ADGRL2: variants seen among roughly 807,000 people sequenced by gnomAD.
ADGRL2 encodes the protein calcium-independent alpha-latrotoxin receptor 2.
In ADGRL2, 44 loss-of-function variants were observed where a neutral mutation model predicts 157.4. The observed-to-expected ratio is 0.28, with a 90% CI of 0.22 to 0.36. The LOEUF is 0.36. Ranked by LOEUF, ADGRL2 falls within the 10% of genes least tolerant of loss-of-function variation. The pLI is 1.00. For missense variants in ADGRL2, 1,510 were observed against 1,768.9 expected, an observed-to-expected ratio of 0.85 and a Z score of 2.63; for synonymous variants, 585 against 624.7, an observed-to-expected ratio of 0.94 and a Z score of 0.95.
In ADGRL2 at chr1:81,990,795, A is replaced by C; in HGVS notation, c.4060A>C (p.Lys1354Gln). ...TCTGTACCAACCCCAGAAGAAAGTG[A>C]AGTCCGAGGGAACTGACAGCTATGT... The part of the protein sequence containing the change: ...SLLYQPQKKV[K>Q]SEGTDSYVSQ... Residue 1354 changes from lysine to glutamine, a missense_variant, in exon 24 of 24, where the codon AAG becomes CAG. Physicochemically the swap from Lys to Gln is moderately conservative, Grantham distance 53. This residue lies in a region of ADGRL2 where 327 missense variants were observed against 310.1 expected (regional missense o/e 1.05). Coordinates refer to ENST00000686636, the MANE Select transcript of ADGRL2 (RefSeq NM_001366006.2). 6.2e-7 allele frequency: 1 copy of C among 1,614,118 alleles called. No individual in the cohort carries two copies. Among genetic ancestry groups the C allele is most frequent in the Non-Finnish European group, 8.5e-7 (1 of 1,180,004 alleles).
intron 2 of ADGRL2, among the ~76,000 whole-genome samples, chr1:81,507,323 C>T (rs745768692): frequency 2.0e-5 from 3 of 152,036 alleles, no homozygotes; most frequent in Non-Finnish European, 4.4e-5. Context: ...TTCTACAAGG[C>T]GGCACTAGCA....
chr1:81,634,712 G>A (rs1167892908), intron 3 of ADGRL2, among the ~76,000 whole-genome samples: 1 of 151,760 alleles, frequency 6.6e-6, no homozygotes, highest in Non-Finnish European at 1.5e-5. Context: ...TAGTAGAGAC[G>A]GGGTTTCACC....
At chr1:81,497,275 C>A (rs2078750625) in intron 2 of ADGRL2, among the ~76,000 whole-genome samples, 1 of 152,200 alleles carries the variant, frequency 6.6e-6, no homozygotes, top group African/African-American at 2.4e-5. Flanking sequence ...AATGCATTTG[C>A]TCCAGGCGCT....
intron 11 of ADGRL2, among the ~76,000 whole-genome samples, chr1:81,965,607 T>G (rs3790883): frequency 0.08 from 12,252 of 152,228 alleles, 577 homozygotes; most frequent in African/African-American, 0.14. Flanking sequence ...ATAAAGTCAT[T>G]CAAATTTGTA....
intron 3 of ADGRL2, among the ~76,000 whole-genome samples, chr1:81,617,986 A>G (rs1230296649): frequency 6.6e-6 from 1 of 152,182 alleles, no homozygotes; most frequent in African/African-American, 2.4e-5. Flanking sequence ...CCACTTGGTT[A>G]TAGCCCTCTT....
chr1:81,712,248 A>G (rs2083955911), intron 1 of ADGRL2, among the ~76,000 whole-genome samples: 1 of 152,232 alleles, frequency 6.6e-6, no homozygotes, highest in Non-Finnish European at 1.5e-5. Flanking sequence ...GGATGGTTGC[A>G]TGAGATTCCA....
chr1:81,410,542 G>T (rs1022052471), intron 1 of ADGRL2, among the ~76,000 whole-genome samples: 1 of 152,174 alleles, frequency 6.6e-6, no homozygotes, highest in Non-Finnish European at 1.5e-5. Flanking sequence ...GGCAAGAAAA[G>T]AATTTTAATA....
At chr1:81,786,906 A>T (rs1342080710) in intron 2 of ADGRL2, among the ~76,000 whole-genome samples, 4 of 152,160 alleles carry the variant, frequency 2.6e-5, no homozygotes, top group Non-Finnish European at 4.4e-5. Context: ...TCCCTACCCA[A>T]ATCTCATCTT....
chr1:81,867,732 A>G (rs775144370), intron 2 of ADGRL2, among the ~76,000 whole-genome samples: 28 of 152,206 alleles, frequency 1.8e-4, no homozygotes, highest in Admixed American at 1.8e-3. Context: ...AAAGTCAAGA[A>G]TAAGTAATAT....
intron 3 of ADGRL2, among the ~76,000 whole-genome samples, chr1:81,683,971 C>T (rs2083176558): frequency 6.6e-6 from 1 of 152,008 alleles, no homozygotes; most frequent in Admixed American, 6.6e-5. Flanking sequence ...CGCACGCCAC[C>T]ATGCCCGGCT....
intron 1 of ADGRL2, among the ~76,000 whole-genome samples, chr1:81,395,415 G>T (rs926703706): frequency 3.9e-5 from 6 of 152,028 alleles, no homozygotes; most frequent in Admixed American, 3.9e-4. Context: ...CTATTTAGTT[G>T]TTCGAGATCC....
chr1:81,522,163 C>T (rs1240256926), intron 2 of ADGRL2, among the ~76,000 whole-genome samples: 1 of 151,898 alleles, frequency 6.6e-6, no homozygotes, highest in African/African-American at 2.4e-5. Flanking sequence ...TGGGTTTTCG[C>T]CATGTTGGCC....
At chr1:81,510,189 A>G (rs72946971) in intron 2 of ADGRL2, among the ~76,000 whole-genome samples, 82 of 152,332 alleles carry the variant, frequency 5.4e-4, no homozygotes, top group African/African-American at 2.0e-3. Flanking sequence ...TCATGTTAAT[A>G]ATTATTACTT....
At chr1:81,644,952 C>T (rs2082284869) in intron 3 of ADGRL2, among the ~76,000 whole-genome samples, 1 of 152,132 alleles carries the variant, frequency 6.6e-6, no homozygotes, top group Admixed American at 6.5e-5. Flanking sequence ...AGGTTCACTG[C>T]CATATAGTTT....
chr1:81,769,221 AAC>A (rs1175318489), intron 2 of ADGRL2, among the ~76,000 whole-genome samples: 2 of 152,130 alleles, frequency 1.3e-5, no homozygotes, highest in African/African-American at 4.8e-5. Flanking sequence ...CCCTTTTATG[AAC>A]AGAGTTCTTA....
In ADGRL2 at chr1:81,589,370, G is replaced by A. The variant is rs561575412; in HGVS notation, c.-143+8390G>A. On this transcript the variant is annotated intron_variant, in intron 3 of 24. Coordinates refer to the ADGRL2 transcript ENST00000370721. ...AGCTGGAGAACTCACATAACCCTGG[G>A]ACAAGATCATGACTCTTGTTATTAA... is the stretch of plus-strand genomic sequence containing the variant. 2.0e-5 allele frequency among the ~76,000 whole-genome samples: 3 copies of A among 152,220 alleles called. No homozygotes were observed. In the East Asian group the frequency reaches 5.8e-4, roughly 29 times the overall value.
intron 1 of ADGRL2, among the ~76,000 whole-genome samples, chr1:81,438,474 A>C (rs998401791): frequency 1.3e-5 from 2 of 152,230 alleles, no homozygotes; most frequent in Non-Finnish European, 2.9e-5. Context: ...GAAATACCAC[A>C]TAATGGTACA....
intron 17 of ADGRL2, among the ~76,000 whole-genome samples, chr1:81,975,298 G>A (rs1051002499): frequency 2.6e-5 from 4 of 152,216 alleles, no homozygotes; most frequent in Non-Finnish European, 4.4e-5. Context: ...AAATGTTTGT[G>A]TGCGCAGCTG....
chr1:81,771,491 C>A (rs140610277), intron 2 of ADGRL2, among the ~76,000 whole-genome samples: 1 of 151,976 alleles, frequency 6.6e-6, no homozygotes, highest in Non-Finnish European at 1.5e-5. Flanking sequence ...ATAAATGCAT[C>A]GCATAGAGGA....
Sources: allele counts gnomAD v4.1 joint callset (sites outside exome capture counted in the v4.1 genomes callset), GRCh38; gene constraint gnomAD v4.1.1; regional missense constraint gnomAD v4.1.1; transcripts MANE v1.5; gene names NCBI Gene and HGNC (gene_info 2026-07-23, HGNC 2026-07-21).